VIT: variants seen among roughly 807,000 people sequenced by gnomAD.
The protein encoded by VIT is vitrin.
Under a neutral mutation model 78.0 loss-of-function variants are expected in VIT, and 99 were observed. The observed-to-expected ratio is 1.27, with a 90% CI of 1.08 to 1.50. The LOEUF is 1.50. Among genes scored for constraint, VIT ranks in the 40% most tolerant of loss-of-function variants. The probability of loss-of-function intolerance (pLI) is 0.00; values close to 1 mark genes in which losing one functional copy is unlikely to be tolerated. For missense variants in VIT, 1,126 were observed against 875.3 expected (o/e 1.29, Z -3.61); for synonymous variants, 374 against 334.3 (o/e 1.12, Z -1.29).
At chr2:36,735,452 A>G (rs920290752) in intron 3 of VIT, among the ~76,000 whole-genome samples, 1 of 152,228 alleles carries the variant, frequency 6.6e-6, no homozygotes, top group South Asian at 2.1e-4. Flanking sequence ...TTCCTTACTT[A>G]CAAAGATTTC....
intron 7 of VIT, among the ~76,000 whole-genome samples, chr2:36,767,581 ATTG>A (rs1669511841): frequency 1.3e-5 from 2 of 152,210 alleles, no homozygotes; most frequent in Non-Finnish European, 1.5e-5. Flanking sequence ...GTTGGGGTTT[ATTG>A]TTGTTGTTAT....
At chr2:36,805,976 G>A (rs941144997) in intron 14 of VIT, among the ~76,000 whole-genome samples, 2 of 152,022 alleles carry the variant, frequency 1.3e-5, no homozygotes, top group Non-Finnish European at 2.9e-5. Context: ...GCATGCAAGC[G>A]AACATACTCT....
intron 3 of VIT, among the ~76,000 whole-genome samples, chr2:36,741,358 G>T (rs1158330126): frequency 1.3e-5 from 2 of 152,190 alleles, no homozygotes; most frequent in African/African-American, 4.8e-5. Flanking sequence ...CCACAAAACT[G>T]TTTGAAGCAC....
At chr2:36,722,110 A>G (rs1666549658) in intron 2 of VIT, among the ~76,000 whole-genome samples, 1 of 152,242 alleles carries the variant, frequency 6.6e-6, no homozygotes, top group Non-Finnish European at 1.5e-5. Flanking sequence ...ATTAATGTCA[A>G]TTAAGTGTTT....
intron 3 of VIT, among the ~76,000 whole-genome samples, chr2:36,737,419 A>G (rs2148503858): frequency 6.6e-6 from 1 of 152,346 alleles, no homozygotes; most frequent in Middle Eastern, 3.4e-3. Context: ...GGAAATTTAC[A>G]TGAGGAAGAC....
At position 36,787,120 on chromosome 2, in the gene VIT, G is replaced by A. The variant is rs754656042; in HGVS notation, c.911-9G>A. 76 of 1,613,890 alleles carry A rather than the reference G, an allele frequency of 4.7e-5. No individual in the cohort carries two copies. The highest frequency in any genetic ancestry group is 6.7e-5 in the East Asian group (3 of 44,902). ...CATGAGAATAATAGAGTCTTTTTCC[G>A]TTCCGCAGACTGCAAAATTGACTTG... On this transcript the variant is annotated splice_polypyrimidine_tract_variant and intron_variant, in intron 11 of 15. Transcript: ENST00000379242.
chr2:36,810,754 C>T (rs1051409858), intron 15 of VIT, among the ~76,000 whole-genome samples: 1 of 152,090 alleles, frequency 6.6e-6, no homozygotes, highest in Non-Finnish European at 1.5e-5. Context: ...CTGGCTCAGC[C>T]TCCCGAGTAG....
intron 4 of VIT, among the ~76,000 whole-genome samples, chr2:36,744,263 C>G (rs749283817): frequency 6.6e-6 from 1 of 152,098 alleles, no homozygotes; most frequent in Non-Finnish European, 1.5e-5. Context: ...AGTGCTGCAA[C>G]GAACATACTG....
chr2:36,801,280 T>C (rs1288557930), intron 12 of VIT, 21 bp from the exon 13 acceptor site: 1 of 1,596,986 alleles, frequency 6.3e-7, no homozygotes, highest in South Asian at 1.1e-5. Context: ...CTAATTTGTA[T>C]TTCTTGTTCT....
rs950861800 is a variant in VIT, at chr2:36,767,040, A to T, written c.488-54A>T. 10 of 1,475,258 alleles carry T rather than the reference A, an allele frequency of 6.8e-6. No individual in the cohort carries two copies. The African/African-American group carries it at 1.1e-4, about 17-fold the overall frequency. The allele number at this position is 1,475,258 out of a possible 1,614,324, so 91.4% of individuals were successfully genotyped here. A position where few individuals can be genotyped will look rare whatever the true frequency, so the allele number is the denominator to read the frequency against. Reference sequence around the variant, plus strand: ...CAACATTTATTTTATTTCTAGTTCTATAAGAGTGTACAGGTTATTTTGTGG... The same window carrying T: ...CAACATTTATTTTATTTCTAGTTCTTTAAGAGTGTACAGGTTATTTTGTGG... On this transcript the variant is annotated intron_variant, in intron 6 of 15. Coordinates refer to ENST00000379242, the MANE Select transcript of VIT (RefSeq NM_053276.4).
intron 9 of VIT, among the ~76,000 whole-genome samples, chr2:36,780,559 G>A (rs772026316): frequency 2.0e-5 from 3 of 152,122 alleles, no homozygotes; most frequent in Non-Finnish European, 4.4e-5. Context: ...CTCACAAAGG[G>A]TATGTGACTA....
At chr2:36,732,056 G>C (rs1166698110) in intron 3 of VIT, among the ~76,000 whole-genome samples, 2 of 152,212 alleles carry the variant, frequency 1.3e-5, no homozygotes, top group East Asian at 3.8e-4. Context: ...TCAGGACCAA[G>C]AGCCAAGAGG....
intron 12 of VIT, among the ~76,000 whole-genome samples, chr2:36,798,800 A>G (rs1666102158): frequency 6.6e-6 from 1 of 152,088 alleles, no homozygotes; most frequent in Non-Finnish European, 1.5e-5. Flanking sequence ...ATGAACCCAT[A>G]AGCCCTAGAA....
chr2:36,795,365 A>AT (rs1553379650), intron 12 of VIT, among the ~76,000 whole-genome samples: 116 of 147,988 alleles, frequency 7.8e-4, no homozygotes, highest in African/African-American at 2.5e-3. Context: ...ATTTTATTTT[A>AT]TTTATTTTAT....
At chr2:36,791,541 T>C (rs147965521) in intron 12 of VIT, among the ~76,000 whole-genome samples, 108 of 152,344 alleles carry the variant, frequency 7.1e-4, no homozygotes, top group African/African-American at 2.5e-3. Context: ...ATAGGGATGT[T>C]GCAGTGTAGC....
chr2:36,702,296 A>T (rs1417907461), intron 1 of VIT, among the ~76,000 whole-genome samples: 2 of 152,168 alleles, frequency 1.3e-5, no homozygotes, highest in Non-Finnish European at 2.9e-5. Flanking sequence ...AGAGCGTGCC[A>T]TCCTCACATG....
At chr2:36,745,003 G>A (rs1255480700) in intron 4 of VIT, among the ~76,000 whole-genome samples, 2 of 152,070 alleles carry the variant, frequency 1.3e-5, no homozygotes, top group Non-Finnish European at 2.9e-5. Context: ...TATGTTGATA[G>A]GGAGGGATCC....
chr2:36,802,701 C>T (rs1426934068), intron 13 of VIT, among the ~76,000 whole-genome samples: 1 of 152,206 alleles, frequency 6.6e-6, no homozygotes, highest in Non-Finnish European at 1.5e-5. Flanking sequence ...AAGGCACTCT[C>T]GTTCCTTGAC....
At chr2:36,724,197 T>G (rs888524759) in intron 2 of VIT, among the ~76,000 whole-genome samples, 7 of 152,136 alleles carry the variant, frequency 4.6e-5, no homozygotes, top group African/African-American at 1.7e-4. Flanking sequence ...TTTTGTATTT[T>G]TAGTAGAGAC....
Sources: gnomAD v4.1 joint callset for allele counts (sites outside exome capture counted in the v4.1 genomes callset) on GRCh38, gnomAD v4.1.1 for gene constraint, MANE v1.5 for transcripts, NCBI Gene and HGNC (gene_info 2026-07-23, HGNC 2026-07-21) for gene names.